The following WDR37 variants were observed in gnomAD, a reference collection of about 807,000 sequenced individuals.
The protein encoded by WDR37 is WD repeat domain 37.
A neutral mutation model predicts 62.9 loss-of-function variants in WDR37; 19 were observed. The observed-to-expected ratio is 0.30, with a 90% CI of 0.21 to 0.44. The LOEUF is 0.44. Among genes scored for constraint, WDR37 ranks in the 20% least tolerant of loss-of-function variants. WDR37 has a pLI of 1.00. For missense variants in WDR37, 474 were observed against 657.6 expected (o/e 0.72, Z 3.05); for synonymous variants, 250 against 260.9 (o/e 0.96, Z 0.40).
chr10:1,089,515 GGAA>G (rs1834310653), intron 7 of WDR37, among the ~76,000 whole-genome samples: 1 of 152,120 alleles, frequency 6.6e-6, no homozygotes, highest in African/African-American at 2.4e-5. Flanking sequence ...TGTCCCAGCA[GGAA>G]GAAGTCTCTT....
chr10:1,105,561 C>G lies in WDR37; in HGVS notation c.1103+294C>G, dbSNP rs1461356983. On this transcript the variant is annotated intron_variant, in intron 11 of 13. Coordinates refer to ENST00000263150, the MANE Select transcript of WDR37 (RefSeq NM_014023.4). This position sits in a 1 kb window ranked among gnomAD's most constrained non-coding sequence, Gnocchi z 5.3. ...TTAGAGAAGAGCAGGGCTGCCAGAG[C>G]CTGTAGCTGAGCACAGGGGCCGGCC... Among the ~76,000 whole-genome samples the G allele has an allele frequency of 6.6e-6, 1 of 152,138 alleles. No homozygotes were observed. The highest frequency in any genetic ancestry group is 1.9e-4 in the East Asian group (1 of 5,178).
chr10:1,128,070 G>A (rs1385619050), intron 13 of WDR37, among the ~76,000 whole-genome samples: 2 of 152,138 alleles, frequency 1.3e-5, no homozygotes, highest in East Asian at 1.9e-4. Flanking sequence ...TTGTTATGTG[G>A]TCTTTCTTAT....
At chr10:1,092,700 A>G (rs1834435933) in intron 7 of WDR37, among the ~76,000 whole-genome samples, 1 of 151,692 alleles carries the variant, frequency 6.6e-6, no homozygotes, top group African/African-American at 2.4e-5. Flanking sequence ...TGTCTCTACT[A>G]AAAATACAAA....
intron 8 of WDR37, among the ~76,000 whole-genome samples, 190 bp from the exon 9 acceptor site, chr10:1,095,980 C>G (rs1335265987): frequency 6.6e-6 from 1 of 152,224 alleles, no homozygotes; most frequent in Admixed American, 6.5e-5. Flanking sequence ...CAATTTTGGA[C>G]ATGTACTCTA....
In WDR37 at chr10:1,129,201, G is replaced by C; in HGVS notation, c.1354-12G>C. 1 of 1,610,170 alleles carries C rather than the reference G, an allele frequency of 6.2e-7. No homozygotes were observed. The highest frequency in any genetic ancestry group is 8.5e-7 in the Non-Finnish European group (1 of 1,177,528). The stretch of plus-strand genomic sequence containing the variant: ...ATAATGCACTGATTTTGGTTTGTTT[G>C]ATCATCACTAGGGCCACAGGAGAAT... On this transcript the variant is annotated splice_polypyrimidine_tract_variant and intron_variant, in intron 13 of 13. Coordinates refer to ENST00000263150, the MANE Select transcript of WDR37 (RefSeq NM_014023.4).
At chr10:1,086,976 C>G (rs1390903565) in intron 7 of WDR37, among the ~76,000 whole-genome samples, 1 of 152,250 alleles carries the variant, frequency 6.6e-6, no homozygotes, top group Non-Finnish European at 1.5e-5. Flanking sequence ...CCTCACACCT[C>G]CACGCTGCCA....
intron 1 of WDR37, among the ~76,000 whole-genome samples, chr10:1,069,441 G>A (rs1297978923): frequency 2.0e-4 from 26 of 130,830 alleles, no homozygotes; most frequent in Non-Finnish European, 3.3e-4. Context: ...ATGGTTAAAT[G>A]TCCATACTGT....
Position 1,121,936 on chromosome 10 carries a change from G to A in WDR37, c.1104-2282G>A, listed in dbSNP as rs1835594850. The stretch of plus-strand genomic sequence containing the variant: ...TGTTGACGCACCTTGATTCTCAGTA[G>A]CTTTGCTGTACTTTGATGTTATATT... On this transcript the variant is annotated intron_variant, in intron 11 of 13. Transcript: ENST00000263150. This position sits in a 1 kb window ranked among gnomAD's most constrained non-coding sequence, Gnocchi z 4.5. Among the ~76,000 whole-genome samples the A allele has an allele frequency of 2.0e-5, 3 of 152,116 alleles. No homozygotes were observed. Among genetic ancestry groups the A allele is most frequent in the African/African-American group, 7.2e-5 (3 of 41,408 alleles).
At chr10:1,070,709 A>G (rs1833701108) in intron 1 of WDR37, among the ~76,000 whole-genome samples, 1 of 152,234 alleles carries the variant, frequency 6.6e-6, no homozygotes, top group East Asian at 1.9e-4. Flanking sequence ...TTTATGGAAG[A>G]CACTCTAAAT....
intron 10 of WDR37, among the ~76,000 whole-genome samples, chr10:1,104,518 C>T (rs1289977222): frequency 6.6e-6 from 1 of 152,228 alleles, no homozygotes; most frequent in Non-Finnish European, 1.5e-5. Context: ...GGACAATATT[C>T]CCTTTGATGA....
chr10:1,089,817 T>C (rs34766854), intron 7 of WDR37, among the ~76,000 whole-genome samples: 89,241 of 152,066 alleles, frequency 0.59, 26,738 homozygotes, highest in Non-Finnish European at 0.65. Context: ...AGTTCTTTCT[T>C]TGTGGGTCTG....
chr10:1,084,002 G>T (rs1005660719), intron 5 of WDR37, among the ~76,000 whole-genome samples: 1 of 152,200 alleles, frequency 6.6e-6, no homozygotes, highest in Non-Finnish European at 1.5e-5. Flanking sequence ...TAAGGGTTTG[G>T]GATGTCCTTC....
chr10:1,100,308 G>A (rs1834749707), intron 9 of WDR37, among the ~76,000 whole-genome samples: 1 of 147,410 alleles, frequency 6.8e-6, no homozygotes, highest in African/African-American at 2.5e-5. Flanking sequence ...CAGTTGTGTT[G>A]GGCCCTCCCT....
At chr10:1,127,901 C>T (rs1170808812) in intron 13 of WDR37, among the ~76,000 whole-genome samples, 3 of 152,202 alleles carry the variant, frequency 2.0e-5, no homozygotes, top group South Asian at 2.1e-4. Context: ...GGAGCTCTGC[C>T]GGAGGTGAAA....
At chr10:1,124,078 G>A in intron 11 of WDR37, 140 bp from the exon 12 acceptor site, 1 of 1,108,070 alleles carries the variant, frequency 9.0e-7, no homozygotes, top group Non-Finnish European at 1.3e-6. Flanking sequence ...TTGGGAGGCG[G>A]GAGCAGTTTG....
intron 1 of WDR37, among the ~76,000 whole-genome samples, chr10:1,062,243 G>T (rs541222145): frequency 3.0e-4 from 45 of 152,346 alleles, no homozygotes; most frequent in Non-Finnish European, 4.4e-4. Context: ...ATTGCCGGCG[G>T]TATTGACTAT....
At chr10:1,126,310 G>C (rs1043821509) in intron 13 of WDR37, among the ~76,000 whole-genome samples, 3 of 150,584 alleles carry the variant, frequency 2.0e-5, no homozygotes, top group Admixed American at 2.0e-4. Flanking sequence ...GGAGGCTGAG[G>C]CAGGAGAATG....
At chr10:1,057,357 C>T (rs1018017006) in intron 1 of WDR37, among the ~76,000 whole-genome samples, 3 of 88,606 alleles carry the variant, frequency 3.4e-5, no homozygotes, top group African/African-American at 1.3e-4. Flanking sequence ...CCCGGGGTCT[C>T]TCCCCGCCCC....
At chr10:1,109,818 G>GT (rs1564510085) in intron 11 of WDR37, among the ~76,000 whole-genome samples, 2 of 152,212 alleles carry the variant, frequency 1.3e-5, no homozygotes, top group African/African-American at 2.4e-5. Context: ...GAAGAATGTA[G>GT]TAAGTGTTAT....
Sources: gnomAD v4.1 joint callset for allele counts (sites outside exome capture counted in the v4.1 genomes callset) on GRCh38, gnomAD v4.1.1 for gene constraint, Gnocchi (gnomAD v3.1) non-coding constraint, MANE v1.5 for transcripts, NCBI Gene and HGNC (gene_info 2026-07-23, HGNC 2026-07-21) for gene names.